Variants in QSOX2 observed in about 807,000 individuals in gnomAD.
The protein encoded by QSOX2 is quiescin sulfhydryl oxidase 2.
QSOX2 carries 46 observed loss-of-function variants against 61.7 expected under a neutral mutation model. That is an observed-to-expected ratio of 0.75 (90% CI 0.59 to 0.95). The LOEUF is 0.95. Ranked by LOEUF, QSOX2 falls within the 40% of genes least tolerant of loss-of-function variation. QSOX2 has a pLI of 0.00. For missense variants in QSOX2, 879 were observed against 918.9 expected, an observed-to-expected ratio of 0.96 and a Z score of 0.56; for synonymous variants, 383 against 388.4, an observed-to-expected ratio of 0.99 and a Z score of 0.16.
intron 8 of QSOX2, 145 bp downstream of exon 8, chr9:136,218,534 T>C (rs1016837956): frequency 1.4e-5 from 13 of 948,804 alleles, no homozygotes; most frequent in East Asian, 8.4e-5. Flanking sequence ...GTGGAATGAG[T>C]TGGGGCGTGG....
chr9:136,231,929 GC>G (rs1280054903), intron 1 of QSOX2, among the ~76,000 whole-genome samples: 1,639 of 59,148 alleles, frequency 0.028, 27 homozygotes, highest in African/African-American at 0.095. Context: ...CACCCTCTCC[GC>G]CTCCTCCGCA....
chr9:136,218,520 A>G (rs1031429713), intron 8 of QSOX2, among the ~76,000 whole-genome samples, 159 bp downstream of exon 8: 2 of 152,234 alleles, frequency 1.3e-5, no homozygotes, highest in Non-Finnish European at 2.9e-5. Flanking sequence ...CACTCGGGAA[A>G]TGGGTGGAAT....
intron 1 of QSOX2, among the ~76,000 whole-genome samples, chr9:136,238,462 A>G (rs1830408183): frequency 6.6e-6 from 1 of 152,184 alleles, no homozygotes; most frequent in South Asian, 2.1e-4. Flanking sequence ...TTGTTCCCCG[A>G]GGATCCCTCA....
chr9:136,232,322 C>A (rs1277206890), intron 1 of QSOX2, among the ~76,000 whole-genome samples: 1 of 152,110 alleles, frequency 6.6e-6, no homozygotes, highest in Admixed American at 6.6e-5. Flanking sequence ...GTCACCTTGA[C>A]CAATATGTCT....
intron 7 of QSOX2, 80 bp from the exon 8 acceptor site, chr9:136,218,888 C>T (rs928130944): frequency 2.3e-5 from 36 of 1,577,554 alleles, no homozygotes; most frequent in Admixed American, 1.0e-4. Context: ...CTCCTCCCCA[C>T]GGACTCCCAG....
chr9:136,234,735 A>G (rs978955344), intron 1 of QSOX2, among the ~76,000 whole-genome samples: 4 of 140,512 alleles, frequency 2.8e-5, no homozygotes, highest in African/African-American at 1.2e-4. Flanking sequence ...CTTGGGAGCA[A>G]GGCTGGTCTC....
intron 1 of QSOX2, among the ~76,000 whole-genome samples, chr9:136,237,320 C>G (rs1219741132): frequency 7.1e-6 from 1 of 141,454 alleles, no homozygotes; most frequent in Non-Finnish European, 1.5e-5. Flanking sequence ...TGCGCCACAC[C>G]TGGAGCCTGC....
intron 1 of QSOX2, among the ~76,000 whole-genome samples, chr9:136,235,487 C>T (rs748219078): frequency 1.6e-4 from 25 of 152,188 alleles, no homozygotes; most frequent in Non-Finnish European, 3.5e-4. Flanking sequence ...ATACGGAAGA[C>T]GAGGGGAAGC....
rs530534194 is a variant in QSOX2 at position 136,222,067 on chromosome 9, C to T, written c.676-126G>A. 6.3e-5 allele frequency: 59 copies of T among 938,452 alleles called. No individual in the cohort carries two copies. Among genetic ancestry groups the T allele is most frequent in the East Asian group, 2.4e-4 (8 of 33,656 alleles). The allele number at this position is 938,452 out of a possible 1,614,324, so 58.1% of individuals were successfully genotyped here. On this transcript the variant is annotated intron_variant, in intron 5 of 11. Coordinates refer to ENST00000358701, the MANE Select transcript of QSOX2 (RefSeq NM_181701.4). This position sits in a 1 kb window ranked among gnomAD's most constrained non-coding sequence, Gnocchi z 6.9. ...GGCATGAAGTCTGTCCCCCTGCAGG[C>T]AAGACCCTCACTCAAATCTTCACTC...
intron 1 of QSOX2, among the ~76,000 whole-genome samples, chr9:136,238,282 G>A (rs544772108): frequency 2.0e-5 from 3 of 152,234 alleles, no homozygotes; most frequent in Non-Finnish European, 2.9e-5. Context: ...AACAAGAGCC[G>A]TGCCCTGGGC....
In QSOX2 at chr9:136,245,778, GCCACCGCCGCCC is replaced by G; in HGVS notation, c.14_25del (p.Gly5_Val8del). On this transcript the variant is annotated inframe_deletion, in exon 1 of 12. Coordinates refer to ENST00000358701, the MANE Select transcript of QSOX2 (RefSeq NM_181701.4). ...TCCCGCTCCGATTCCCGGGCTGCGC[GCCACCGCCGCCC>G]CGGCCGCCGCCATGTTGGAAGTGCC... The G allele has an allele frequency of 8.7e-7, 1 of 1,156,068 alleles. No individual in the cohort carries two copies. Among genetic ancestry groups the G allele is most frequent in the Non-Finnish European group, 1.1e-6 (1 of 936,600 alleles). The allele number at this position is 1,156,068 out of a possible 1,614,324, so 71.6% of individuals were successfully genotyped here.
intron 1 of QSOX2, among the ~76,000 whole-genome samples, chr9:136,241,613 C>T (rs1830433957): frequency 6.6e-6 from 1 of 152,192 alleles, no homozygotes; most frequent in African/African-American, 2.4e-5. Flanking sequence ...CACCTGGACA[C>T]CCATCCCGGC....
intron 1 of QSOX2, among the ~76,000 whole-genome samples, chr9:136,244,208 C>T (rs1277514996): frequency 6.6e-6 from 1 of 152,102 alleles, no homozygotes; most frequent in African/African-American, 2.4e-5. Context: ...GTTTGTTTTC[C>T]TAAAAGCAGT....
intron 1 of QSOX2, among the ~76,000 whole-genome samples, chr9:136,229,801 G>T (rs1830314138): frequency 6.6e-6 from 1 of 152,144 alleles, no homozygotes; most frequent in Admixed American, 6.5e-5. Flanking sequence ...GCACTTGCTG[G>T]CCACATCACA....
At chr9:136,212,486 T>A (rs2131049705) in intron 10 of QSOX2, among the ~76,000 whole-genome samples, 1 of 152,348 alleles carries the variant, frequency 6.6e-6, no homozygotes, top group East Asian at 1.9e-4. Context: ...TCCTGGTCGG[T>A]CCCAAATCCC....
Position 136,245,550 on chromosome 9 carries a change from T to C in QSOX2, c.254A>G (p.Gln85Arg), listed in dbSNP as rs1554758413. 2 of 1,584,614 alleles carry C rather than the reference T, an allele frequency of 1.3e-6. No homozygotes were observed. The highest frequency in any genetic ancestry group is 2.2e-5 in the South Asian group (2 of 90,140). ...GTGGCCACACCACGACGAGTAGAAC[T>C]GCACGAGCCACGCGGCCGAGCTGTT... ...TANSSAAWLV[Q>R]FYSSWCGHCI... Residue 85 changes from glutamine to arginine, a missense_variant, in exon 1 of 12, where the codon CAG (glutamine) becomes CGG (arginine). Coordinates refer to ENST00000358701, the MANE Select transcript of QSOX2 (RefSeq NM_181701.4).
At chr9:136,213,043 C>T (rs1048201895) in intron 10 of QSOX2, among the ~76,000 whole-genome samples, 17 of 152,144 alleles carry the variant, frequency 1.1e-4, no homozygotes, top group Middle Eastern at 3.4e-3. Flanking sequence ...TCAAATACCC[C>T]GGTCACTCAA....
In QSOX2 at chr9:136,219,011, GT is replaced by G. The variant is rs759240058; in HGVS notation, c.956+18del. 2 of 1,613,716 alleles carry G rather than the reference GT, an allele frequency of 1.2e-6. No homozygotes were observed. Among genetic ancestry groups the G allele is most frequent in the East Asian group, 4.5e-5 (2 of 44,880 alleles). On this transcript the variant is annotated intron_variant, in intron 7 of 11. Transcript: ENST00000358701. ...ACACGCACTGTCTCCGGGGGCTTCAGTTCAAGAGGAACACTTGCTTGTCAAA... is the reference window on the plus strand; with the variant it reads ...ACACGCACTGTCTCCGGGGGCTTCAGTCAAGAGGAACACTTGCTTGTCAAA...
At chr9:136,237,265 G>A (rs1337515082) in intron 1 of QSOX2, among the ~76,000 whole-genome samples, 1 of 135,132 alleles carries the variant, frequency 7.4e-6, no homozygotes, top group African/African-American at 2.8e-5. Flanking sequence ...CTGGGCTGGC[G>A]TCACCTGGAG....
Sources: gnomAD v4.1 joint callset for allele counts (sites outside exome capture counted in the v4.1 genomes callset) on GRCh38, gnomAD v4.1.1 for gene constraint, Gnocchi (gnomAD v3.1) non-coding constraint, MANE v1.5 for transcripts, NCBI Gene and HGNC (gene_info 2026-07-23, HGNC 2026-07-21) for gene names.